The following COMMD6 variants were observed in gnomAD, a reference collection of about 807,000 sequenced individuals.
The protein encoded by COMMD6 is COMM domain containing 6.
COMMD6 carries 11 observed loss-of-function variants against 13.4 expected under a neutral mutation model. The ratio of observed to expected loss-of-function variants is 0.82; its 90% CI spans 0.52 to 1.36. The LOEUF (loss-of-function observed/expected upper bound fraction) is 1.36, where lower values mean the gene tolerates loss of function less well. COMMD6 is among the 40% of genes most tolerant of loss of function. COMMD6 has a pLI of 0.00. For missense variants in COMMD6, 124 were observed against 102.4 expected, an observed-to-expected ratio of 1.21 and a Z score of -0.91; for synonymous variants, 43 against 36.5, an observed-to-expected ratio of 1.18 and a Z score of -0.64.
rs1195275509 is a variant in COMMD6, at chr13:75,525,313, C to T, written c.*1276G>A. ...GCATATTGCCTTAAACCTAGAAATG[C>T]TACCCTGCAAACAGGGAAGGGGAAA... On this transcript the variant is annotated 3_prime_UTR_variant, in exon 4 of 4. Transcript: ENST00000682242. The T allele has an allele frequency of 1.3e-5, 2 of 152,172 alleles. No individual in the cohort carries two copies. The highest frequency in any genetic ancestry group is 4.8e-5 in the African/African-American group (2 of 41,446). 9.4% of individuals were successfully genotyped at this position (152,172 alleles called of 1,614,324 possible).
intron 3 of COMMD6, chr13:75,529,898 C>T (rs930366018): frequency 2.1e-6 from 1 of 473,240 alleles, no homozygotes; most frequent in East Asian, 3.4e-5. Context: ...GATCAAATGG[C>T]GCAGTACACA....
upstream of COMMD6, among the ~76,000 whole-genome samples, chr13:75,540,031 C>T (rs912767376): frequency 2.7e-4 from 39 of 144,788 alleles, no homozygotes; most frequent in African/African-American, 8.5e-4. Flanking sequence ...AGTGCAGTGG[C>T]GTGATCTCAC....
chr13:75,535,969 C>T (rs1221233992), intron 2 of COMMD6, among the ~76,000 whole-genome samples: 1 of 152,084 alleles, frequency 6.6e-6, no homozygotes, highest in Admixed American at 6.5e-5. Context: ...CTCACTGCTG[C>T]CTCAAACTCC....
chr13:75,536,015 G>A (rs1323886346), intron 2 of COMMD6, among the ~76,000 whole-genome samples: 1 of 152,052 alleles, frequency 6.6e-6, no homozygotes, highest in Admixed American at 6.6e-5. Flanking sequence ...AGCCTCCTGA[G>A]TAGCTAGTAC....
chr13:75,532,001 T>G (rs1343630563), intron 2 of COMMD6, among the ~76,000 whole-genome samples: 1 of 152,166 alleles, frequency 6.6e-6, no homozygotes, highest in Admixed American at 6.5e-5. Flanking sequence ...GCAATGAAAA[T>G]GAACTTCAAT....
At position 75,526,876 on chromosome 13, in the gene COMMD6, G is replaced by GA. The variant is rs566930659; in HGVS notation, c.208-238dup. ...ACTAAACTTTTCAAAAAGCACATGA[G>GA]AAAGTCCTTTTAAGATCACACCAGA... On this transcript the variant is annotated intron_variant, in intron 3 of 3. Transcript: ENST00000682242. Among the ~76,000 whole-genome samples the GA allele has an allele frequency of 2.1e-3, 326 of 152,240 alleles. 3 individuals carry two copies. The highest frequency in any genetic ancestry group is 7.5e-3 in the African/African-American group (311 of 41,538).
In COMMD6 at chr13:75,532,912, C is replaced by T. The variant is rs193134930; in HGVS notation, c.55-2646G>A. ...TTCCCTGTAGGCATTGGGGACTCAA[C>T]TCACTGAAAGTTTTTGTTTTGTTTT... On this transcript the variant is annotated intron_variant, in intron 2 of 3. Coordinates refer to ENST00000682242, the MANE Select transcript of COMMD6 (RefSeq NM_203495.4). 6.9e-4 allele frequency among the ~76,000 whole-genome samples: 105 copies of T among 151,812 alleles called. 1 individual carries two copies. Among genetic ancestry groups the T allele is most frequent in the Non-Finnish European group, 1.1e-3 (78 of 67,912 alleles).
rs2030200729 is a variant in COMMD6 at position 75,525,262 on chromosome 13, G to A, written c.*1327C>T. On this transcript the variant is annotated 3_prime_UTR_variant, in exon 4 of 4. Coordinates refer to ENST00000682242, the MANE Select transcript of COMMD6 (RefSeq NM_203495.4). ...CAAATCTGCTACCCACAGTGTTTGA[G>A]CCAGGGCCTAACTTTGGGTCTTTTT... 6.6e-6 allele frequency: 1 copy of A among 152,176 alleles called. No homozygotes were observed. Among genetic ancestry groups the A allele is most frequent in the South Asian group, 2.1e-4 (1 of 4,834 alleles). The allele number at this position is 152,176 out of a possible 1,614,324, so 9.4% of individuals were successfully genotyped here. A position where few individuals can be genotyped will look rare whatever the true frequency, so the allele number is the denominator to read the frequency against.
chr13:75,535,888 G>GT (rs2030647073), intron 2 of COMMD6, among the ~76,000 whole-genome samples: 1 of 151,706 alleles, frequency 6.6e-6, no homozygotes, highest in African/African-American at 2.4e-5. Flanking sequence ...AAGATACTCC[G>GT]TAATTTTTTT....
Position 75,526,595 on chromosome 13 carries a change from C to G in COMMD6, c.252G>C (p.Thr84=). ...TCAACCAAAGAATCCGTCTTCACAC[C>G]GTTTCAATAACTGCAGCAATTTCCT... The part of the protein sequence containing the change: ...QFKEIAAVIE[T]V Residue 84 remains threonine, a synonymous_variant, in exon 4 of 4, where the codon ACG becomes ACC. Coordinates refer to ENST00000682242, the MANE Select transcript of COMMD6 (RefSeq NM_203495.4). 1 of 1,603,022 alleles carries G rather than the reference C, an allele frequency of 6.2e-7. No homozygotes were observed. The highest frequency in any genetic ancestry group is 8.5e-7 in the Non-Finnish European group (1 of 1,172,920).
chr13:75,537,582 T>G, intron 2 of COMMD6, 82 bp downstream of exon 2: 1 of 1,605,390 alleles, frequency 6.2e-7, no homozygotes, highest in South Asian at 1.1e-5. Context: ...AGGGGAGACC[T>G]GGGGAAGGCT....
chr13:75,530,264 A>C lies in COMMD6; in HGVS notation c.57T>G (p.Leu19=), dbSNP rs1319908424. The part of the protein sequence containing the change: ...LDAKSDVTNQ[L]VDFQWKLGMA... ...TACCCAGTTTCCACTGAAAATCTAC[A>C]AGCTTTAATAAGACAGGACAAAATA... is the stretch of plus-strand genomic sequence containing the variant. The change falls in exon 3 of 4, where the codon CTT becomes CTG. Residue 19 remains leucine (L), a splice_region_variant and synonymous_variant. Transcript: ENST00000682242. 1 of 1,608,088 alleles carries C rather than the reference A, an allele frequency of 6.2e-7. No individual in the cohort carries two copies. The highest frequency in any genetic ancestry group is 1.1e-5 in the South Asian group (1 of 89,634).
At position 75,526,387 on chromosome 13, in the gene COMMD6, C is replaced by A; in HGVS notation, c.*202G>T. 2.0e-6 allele frequency: 1 copy of A among 491,092 alleles called. No homozygotes were observed. The highest frequency in any genetic ancestry group is 3.6e-6 in the Non-Finnish European group (1 of 276,078). The allele number at this position is 491,092 out of a possible 1,614,324, so 30.4% of individuals were successfully genotyped here. ...TATCCTCTAAAGTGTCTAATTATCA[C>A]TTTTATAAAGCACATTCACAAAGTT... On this transcript the variant is annotated 3_prime_UTR_variant, in exon 4 of 4. Transcript: ENST00000682242.
intron 2 of COMMD6, among the ~76,000 whole-genome samples, chr13:75,531,894 T>C (rs1018196064): frequency 4.6e-5 from 7 of 152,198 alleles, no homozygotes; most frequent in African/African-American, 7.2e-5. Context: ...ACAGGATACA[T>C]ATATGAAAAT....
chr13:75,543,054 C>G (rs902707646), upstream of COMMD6, among the ~76,000 whole-genome samples: 1 of 152,200 alleles, frequency 6.6e-6, no homozygotes, highest in African/African-American at 2.4e-5. Context: ...GGCTGAAGGC[C>G]ATTATCCTAA....
chr13:75,543,340 GAA>G (rs145192067), upstream of COMMD6, among the ~76,000 whole-genome samples: 3 of 151,426 alleles, frequency 2.0e-5, no homozygotes, highest in Non-Finnish European at 4.4e-5. Flanking sequence ...AAGTTGGAAA[GAA>G]AAAAAACAGC....
intron 3 of COMMD6, among the ~76,000 whole-genome samples, chr13:75,528,808 C>A (rs1335706101): frequency 6.6e-6 from 1 of 150,738 alleles, no homozygotes; most frequent in East Asian, 2.0e-4. Flanking sequence ...TACCATTGCA[C>A]TGCAATTGCA....
At chr13:75,538,176 C>T (rs7336498), upstream of COMMD6, among the ~76,000 whole-genome samples, 146,541 of 152,298 alleles carry the variant, frequency 0.96, 70,526 homozygotes, top group East Asian at 1. Flanking sequence ...ATTCGGAAGG[C>T]GCTGGGCGAC....
chr13:75,547,516 C>G (rs1229159849), intron 1 of COMMD6, among the ~76,000 whole-genome samples: 2 of 152,170 alleles, frequency 1.3e-5, no homozygotes, highest in Non-Finnish European at 1.5e-5. Context: ...AAATTAGAAC[C>G]AGTGATGCCC....
Sources: gnomAD v4.1 joint callset for allele counts (sites outside exome capture counted in the v4.1 genomes callset) on GRCh38, gnomAD v4.1.1 for gene constraint, MANE v1.5 for transcripts, NCBI Gene and HGNC (gene_info 2026-07-23, HGNC 2026-07-21) for gene names.